Variants in ZNF532 observed in about 807,000 individuals in gnomAD.
The protein encoded by ZNF532 is zinc finger protein 532.
ZNF532 carries 22 observed loss-of-function variants against 89.3 expected under a neutral mutation model. The ratio of observed to expected loss-of-function variants is 0.25; its 90% CI spans 0.18 to 0.35. The LOEUF is 0.35. ZNF532 is among the 10% of genes least tolerant of loss of function. The pLI, the probability that ZNF532 is intolerant of heterozygous loss-of-function variation, is 1.00. For synonymous variants in ZNF532, 606 were observed against 649.6 expected, an observed-to-expected ratio of 0.93 and a Z score of 1.02; for missense variants, 1,132 against 1,643.4, an observed-to-expected ratio of 0.69 and a Z score of 5.38.
chr18:58,944,779 C>T (rs1331484243), intron 5 of ZNF532, among the ~76,000 whole-genome samples: 2 of 152,132 alleles, frequency 1.3e-5, no homozygotes, highest in Non-Finnish European at 2.9e-5. Flanking sequence ...TGGATTTTAT[C>T]CTACAAAAAA....
At chr18:58,957,365 T>TGAA (rs2064880644) in intron 7 of ZNF532, among the ~76,000 whole-genome samples, 1 of 148,386 alleles carries the variant, frequency 6.7e-6, no homozygotes, top group Non-Finnish European at 1.5e-5. Flanking sequence ...CCAGTGAACT[T>TGAA]TGTATACTTG....
At chr18:58,864,599 A>C, upstream of ZNF532, 1 of 51,628 alleles carries the variant, frequency 1.9e-5, no homozygotes, top group Non-Finnish European at 3.7e-5. Flanking sequence ...GGGAGGGGGG[A>C]TGGGCCCTGA....
intron 2 of ZNF532, among the ~76,000 whole-genome samples, chr18:58,886,735 A>C (rs920762214): frequency 6.6e-6 from 1 of 152,180 alleles, no homozygotes; most frequent in Non-Finnish European, 1.5e-5. Flanking sequence ...TCAATTTGGG[A>C]GATTTTATTT....
At chr18:58,922,907 G>A (rs2061231130) in intron 3 of ZNF532, among the ~76,000 whole-genome samples, 1 of 152,118 alleles carries the variant, frequency 6.6e-6, no homozygotes, top group African/African-American at 2.4e-5. Flanking sequence ...CCTAGTTTTT[G>A]TTCTTTATTA....
At chr18:58,884,979 G>GTTTTTTTTTTTTTTTTTTTTTTT (rs34689408) in intron 2 of ZNF532, among the ~76,000 whole-genome samples, 6 of 138,104 alleles carry the variant, frequency 4.3e-5, no homozygotes, top group Non-Finnish European at 3.1e-5. Context: ...CAGTACAAGG[G>GTTTTTTTTTTTTTTTTTTTTTTT]TTTTTTTTTT....
chr18:58,925,359 TG>T (rs1485945447), intron 3 of ZNF532, among the ~76,000 whole-genome samples: 10 of 152,234 alleles, frequency 6.6e-5, no homozygotes, highest in African/African-American at 2.4e-4. Context: ...GTTTCCCTAG[TG>T]GCTAATGATG....
intron 2 of ZNF532, among the ~76,000 whole-genome samples, chr18:58,880,418 C>G (rs1568226410): frequency 1.3e-5 from 2 of 152,134 alleles, no homozygotes; most frequent in African/African-American, 4.8e-5. Flanking sequence ...TATGCCAAGG[C>G]TAAGTTGGAG....
At chr18:58,910,365 T>C (rs1484463166) in intron 2 of ZNF532, among the ~76,000 whole-genome samples, 1 of 152,226 alleles carries the variant, frequency 6.6e-6, no homozygotes, top group Non-Finnish European at 1.5e-5. Context: ...ATGTTATTCA[T>C]TTGTATGAAT....
At chr18:58,905,403 C>CTTTTTTTT (rs11376624) in intron 2 of ZNF532, among the ~76,000 whole-genome samples, 1 of 139,336 alleles carries the variant, frequency 7.2e-6, no homozygotes, top group South Asian at 2.3e-4. Context: ...TTTTTTCTTT[C>CTTTTTTTT]TTTTTTTTTT....
chr18:58,914,453 G>A (rs1019654866), intron 2 of ZNF532, among the ~76,000 whole-genome samples: 4 of 152,180 alleles, frequency 2.6e-5, no homozygotes, highest in South Asian at 2.1e-4. Flanking sequence ...AGGCCGCGGC[G>A]GGCGGATCAC....
intron 2 of ZNF532, among the ~76,000 whole-genome samples, chr18:58,886,200 C>T (rs1169384492): frequency 1.3e-5 from 2 of 152,048 alleles, no homozygotes; most frequent in African/African-American, 2.4e-5. Context: ...AGGCTGGTCT[C>T]GAACTCCTGG....
chr18:58,952,746 A>G (rs544197972), intron 6 of ZNF532, among the ~76,000 whole-genome samples: 2 of 152,350 alleles, frequency 1.3e-5, no homozygotes, highest in East Asian at 3.9e-4. Flanking sequence ...AATACAAAAC[A>G]AAAACCAAAG....
intron 7 of ZNF532, among the ~76,000 whole-genome samples, chr18:58,972,331 T>TA (rs2066553160): frequency 6.6e-6 from 1 of 152,230 alleles, no homozygotes; most frequent in African/African-American, 2.4e-5. Flanking sequence ...TCAGTGTGTA[T>TA]ATTCAGAAAA....
intron 2 of ZNF532, among the ~76,000 whole-genome samples, chr18:58,915,332 A>G (rs999838951): frequency 2.0e-5 from 3 of 152,118 alleles, no homozygotes; most frequent in Non-Finnish European, 2.9e-5. Context: ...CACTTTTTAA[A>G]ACTACCATCA....
At chr18:58,971,457 AAAT>A (rs2066470322) in intron 7 of ZNF532, among the ~76,000 whole-genome samples, 1 of 152,186 alleles carries the variant, frequency 6.6e-6, no homozygotes, top group Non-Finnish European at 1.5e-5. Context: ...CTGTTTTTGT[AAAT>A]AATTTATGAG....
Position 58,953,534 on chromosome 18 carries a change from T to A in ZNF532, c.2885T>A (p.Leu962Ter). The change falls in exon 7 of 10, where the codon TTG (leucine) becomes TAG (stop). Residue 962 changes from leucine (L) to a stop codon, truncating the protein, a stop_gained. Coordinates refer to ENST00000591808, the MANE Select transcript of ZNF532 (RefSeq NM_001375912.1). LOFTEE classifies it high-confidence loss of function. ...ATAATGTAGTCTATGCATGGAACAT[T>A]GAAAAGTATTGAAGGGCCTCCAAAC... ...MDHIKSMHGT[L>*]KSIEGPPNLG... The A allele has an allele frequency of 6.2e-7, 1 of 1,610,794 alleles. No individual in the cohort carries two copies. The highest frequency in any genetic ancestry group is 8.5e-7 in the Non-Finnish European group (1 of 1,178,474).
Position 58,982,228 on chromosome 18 carries a change from C to T in ZNF532, c.3411+611C>T, listed in dbSNP as rs540721645. On this transcript the variant is annotated intron_variant, in intron 9 of 9. Coordinates refer to ENST00000591808, the MANE Select transcript of ZNF532 (RefSeq NM_001375912.1). Reference sequence around the variant, plus strand: ...CTGAGGCAGGAGAATCGTTTGAACCCAGGAGGCAGAGGTTGCAGTAAGCCG... The same window carrying T: ...CTGAGGCAGGAGAATCGTTTGAACCTAGGAGGCAGAGGTTGCAGTAAGCCG... 9.4e-4 allele frequency among the ~76,000 whole-genome samples: 143 copies of T among 151,564 alleles called. 1 individual carries two copies. The highest frequency in any genetic ancestry group is 3.3e-3 in the African/African-American group (135 of 41,274).
In ZNF532 at chr18:58,919,894, C is replaced by T. The variant is rs1277425947; in HGVS notation, c.1607C>T (p.Ala536Val). The change falls in exon 3 of 10, where the codon GCC (alanine) becomes GTC (valine). Residue 536 changes from alanine (A) to valine (V), a missense_variant. By Grantham distance (64) the Ala-to-Val change is moderately conservative (BLOSUM62 0). Transcript: ENST00000591808. This position sits in a 1 kb window ranked among gnomAD's most constrained non-coding sequence, Gnocchi z 6.1. ...NLNLLPQGAQ[A>V]TSELRQVLTK... ...AACCTTTTGCCTCAGGGTGCCCAGGCCACCTCTGAACTCCGCCAAGTGCTA... is the reference window on the plus strand; with the variant it reads ...AACCTTTTGCCTCAGGGTGCCCAGGTCACCTCTGAACTCCGCCAAGTGCTA... The T allele has an allele frequency of 2.5e-6, 4 of 1,614,022 alleles. No individual in the cohort carries two copies. Among genetic ancestry groups the T allele is most frequent in the Non-Finnish European group, 2.5e-6 (3 of 1,179,876 alleles).
chr18:58,896,054 T>G (rs1028759186), intron 2 of ZNF532, among the ~76,000 whole-genome samples: 11 of 152,068 alleles, frequency 7.2e-5, no homozygotes, highest in Non-Finnish European at 1.6e-4. Flanking sequence ...GGTCTCACTC[T>G]GTTGCCCAGG....
Sources: allele counts gnomAD v4.1 joint callset (sites outside exome capture counted in the v4.1 genomes callset), GRCh38; gene constraint gnomAD v4.1.1; non-coding constraint Gnocchi (gnomAD v3.1); transcripts MANE v1.5; gene names NCBI Gene and HGNC (gene_info 2026-07-23, HGNC 2026-07-21).